Variants in EYS observed in about 807,000 individuals in gnomAD.
EYS encodes the protein EGF-like photoreceptor maintenance factor, also known as protein eyes shut homolog.
EYS carries 250 observed loss-of-function variants against 282.1 expected under a neutral mutation model. The ratio of observed to expected loss-of-function variants is 0.89; its 90% confidence interval spans 0.80 to 0.98. The LOEUF is 0.98. EYS is among the 50% of genes least tolerant of loss of function. The pLI, the probability that EYS is intolerant of heterozygous loss-of-function variation, is 0.00. For missense variants in EYS, 4,016 were observed against 3,709.0 expected, an observed-to-expected ratio of 1.08 and a Z score of -2.15; for synonymous variants, 1,355 against 1,282.9, an observed-to-expected ratio of 1.06 and a Z score of -1.20.
intron 28 of EYS, 38 bp from the exon 29 acceptor site, chr6:64,388,878 T>G: frequency 7.8e-7 from 1 of 1,282,892 alleles, no homozygotes; most frequent in Non-Finnish European, 1.0e-6. Flanking sequence ...TTAGTATAAG[T>G]CATATAAACA....
rs1364240267 is a variant in EYS, at chr6:64,108,844, T to C, written c.6425-26842A>G. On this transcript the variant is annotated intron_variant, in intron 31 of 42. Transcript: ENST00000503581. ...ACATTACTCTAACAATGATATTGTC[T>C]AACATGTTTTGAACTCTCATTTGGT... Among the ~76,000 whole-genome samples, 4 of 152,092 alleles carry C rather than the reference T, an allele frequency of 2.6e-5. 1 individual carries two copies. Among genetic ancestry groups the C allele is most frequent in the Admixed American group, 2.6e-4 (4 of 15,246 alleles).
intron 29 of EYS, among the ~76,000 whole-genome samples, chr6:64,350,661 C>A (rs1260201981): frequency 1.3e-5 from 2 of 151,536 alleles, no homozygotes; most frequent in East Asian, 3.9e-4. Flanking sequence ...AAGGATTCAG[C>A]GTAAAGCTCT....
chr6:63,841,084 T>C (rs189109469), intron 36 of EYS, among the ~76,000 whole-genome samples: 3 of 152,314 alleles, frequency 2.0e-5, no homozygotes, highest in Admixed American at 2.0e-4. Flanking sequence ...TACATATCTG[T>C]GCTAACGGCT....
rs534035902 is a variant in EYS, at chr6:64,192,155, C to T, written c.6424+38437G>A. 2.4e-3 allele frequency among the ~76,000 whole-genome samples: 345 copies of T among 145,552 alleles called. 4 individuals carry two copies. The highest frequency in any genetic ancestry group is 7.7e-3 in the African/African-American group (306 of 39,632). ...TTGAGAAGTGTCTGTTCATGTCCTTCGCCCACTTTTTGATGGGGTTGTTTG... is the reference window on the plus strand; with the variant it reads ...TTGAGAAGTGTCTGTTCATGTCCTTTGCCCACTTTTTGATGGGGTTGTTTG... On this transcript the variant is annotated intron_variant, in intron 31 of 42. Coordinates refer to ENST00000503581, the MANE Select transcript of EYS (RefSeq NM_001142800.2).
chr6:65,188,097 T>G (rs1235043486), intron 12 of EYS, among the ~76,000 whole-genome samples: 1 of 151,584 alleles, frequency 6.6e-6, no homozygotes, highest in Non-Finnish European at 1.5e-5. Flanking sequence ...AAATAAATCA[T>G]AGTGAAAGGT....
At chr6:65,272,965 T>TG (rs1270318296) in intron 12 of EYS, among the ~76,000 whole-genome samples, 3 of 152,196 alleles carry the variant, frequency 2.0e-5, no homozygotes, top group Non-Finnish European at 4.4e-5. Flanking sequence ...TCTTGCATTT[T>TG]GGGGCCTTTA....
At chr6:64,486,366 A>G (rs1776579262) in intron 26 of EYS, among the ~76,000 whole-genome samples, 3 of 151,464 alleles carry the variant, frequency 2.0e-5, no homozygotes, top group South Asian at 2.1e-4. Context: ...CTGTCAGATA[A>G]CAAGAGATCA....
At chr6:64,180,404 T>C (rs915194981) in intron 31 of EYS, among the ~76,000 whole-genome samples, 5 of 152,180 alleles carry the variant, frequency 3.3e-5, no homozygotes, top group Non-Finnish European at 5.9e-5. Context: ...AATAGGTCAA[T>C]AAATTAGGTT....
Position 65,172,612 on chromosome 6 carries a change from C to T in EYS, c.2024-114885G>A, listed in dbSNP as rs530977592. On this transcript the variant is annotated intron_variant, in intron 12 of 42. Transcript: ENST00000503581. ...TATTTTATATTTCTAATATGGCAAT[C>T]AGCTATTCAAGTAGAAAACAGGAAG... 4.0e-5 allele frequency among the ~76,000 whole-genome samples: 6 copies of T among 151,268 alleles called. No homozygotes were observed. The South Asian group carries it at 1.2e-3, about 31-fold the overall frequency.
chr6:65,024,166 T>C (rs1020680563), intron 13 of EYS, among the ~76,000 whole-genome samples: 3 of 152,314 alleles, frequency 2.0e-5, no homozygotes, highest in Non-Finnish European at 4.4e-5. Context: ...TGTGAATACA[T>C]ATAGCAATGC....
intron 31 of EYS, among the ~76,000 whole-genome samples, chr6:64,114,037 C>T (rs1350325790): frequency 6.6e-6 from 1 of 152,050 alleles, no homozygotes; most frequent in Non-Finnish European, 1.5e-5. Flanking sequence ...AATTTACTAC[C>T]TGGCCCTTTA....
chr6:64,832,654 T>C (rs1016933959), intron 19 of EYS, among the ~76,000 whole-genome samples: 15 of 151,788 alleles, frequency 9.9e-5, no homozygotes, highest in African/African-American at 3.6e-4. Context: ...TGAGAAAATT[T>C]TTGGAGGTGA....
At chr6:64,416,837 A>G (rs1009389852) in intron 28 of EYS, among the ~76,000 whole-genome samples, 1 of 152,182 alleles carries the variant, frequency 6.6e-6, no homozygotes, top group South Asian at 2.1e-4. Flanking sequence ...ACAAAAAATT[A>G]TCAATGTTGA....
At chr6:65,427,332 G>C (rs1226659327) in intron 5 of EYS, among the ~76,000 whole-genome samples, 1 of 151,968 alleles carries the variant, frequency 6.6e-6, no homozygotes, top group Non-Finnish European at 1.5e-5. Flanking sequence ...ATGATGAAGA[G>C]TCTCCTTGTG....
At chr6:64,115,313 T>C (rs9450836) in intron 31 of EYS, among the ~76,000 whole-genome samples, 10,516 of 152,132 alleles carry the variant, frequency 0.069, 951 homozygotes, top group African/African-American at 0.21. Context: ...ACTGTAGTCA[T>C]TGTGTGTCAC....
intron 26 of EYS, among the ~76,000 whole-genome samples, chr6:64,447,330 C>T (rs1775148060): frequency 6.6e-6 from 1 of 152,052 alleles, no homozygotes; most frequent in Non-Finnish European, 1.5e-5. Context: ...TTTACATAAT[C>T]CATTTTAGCT....
intron 13 of EYS, among the ~76,000 whole-genome samples, chr6:64,998,257 T>C (rs530626398): frequency 6.6e-6 from 1 of 152,232 alleles, no homozygotes; most frequent in African/African-American, 2.4e-5. Context: ...CATTTTACCA[T>C]TAATGATGAA....
At chr6:65,226,544 G>A (rs761860281) in intron 12 of EYS, among the ~76,000 whole-genome samples, 43 of 152,036 alleles carry the variant, frequency 2.8e-4, no homozygotes, top group Middle Eastern at 3.4e-3. Flanking sequence ...TTGTCAATAC[G>A]GAAATCCAAA....
intron 12 of EYS, among the ~76,000 whole-genome samples, chr6:65,128,887 A>C (rs1775790578): frequency 6.6e-6 from 1 of 152,066 alleles, no homozygotes; most frequent in Non-Finnish European, 1.5e-5. Flanking sequence ...ACAATGCTGG[A>C]AATTTCACAT....
Sources: allele counts gnomAD v4.1 joint callset (sites outside exome capture counted in the v4.1 genomes callset), GRCh38; gene constraint gnomAD v4.1.1; transcripts MANE v1.5; gene names NCBI Gene and HGNC (gene_info 2026-07-23, HGNC 2026-07-21).